PDE1C: variants seen among roughly 807,000 people sequenced by gnomAD.
The protein encoded by PDE1C is dual specificity calcium/calmodulin-dependent 3',5'-cyclic nucleotide phosphodiesterase 1C.
In PDE1C, 62 loss-of-function variants were observed where a neutral mutation model predicts 93.1. The observed-to-expected ratio is 0.67, with a 90% CI of 0.54 to 0.82. The LOEUF (loss-of-function observed/expected upper bound fraction) is 0.82. Ranked by LOEUF, PDE1C falls within the 40% of genes least tolerant of loss-of-function variation. The probability of loss-of-function intolerance (pLI) is 0.00; values close to 1 mark genes in which losing one functional copy is unlikely to be tolerated. For missense variants in PDE1C, 742 were observed against 884.6 expected (o/e 0.84, Z 2.04); for synonymous variants, 325 against 310.1 (o/e 1.05, Z -0.50).
intron 1 of PDE1C, among the ~76,000 whole-genome samples, chr7:32,360,872 G>A (rs994081617): frequency 1.3e-5 from 2 of 152,168 alleles, no homozygotes; most frequent in East Asian, 3.9e-4. Context: ...AACCCATGAG[G>A]TGACCTAATA....
chr7:32,192,675 G>A (rs902962561), intron 2 of PDE1C, among the ~76,000 whole-genome samples: 7 of 151,812 alleles, frequency 4.6e-5, no homozygotes, highest in Non-Finnish European at 1.0e-4. Context: ...TACTTCCTAC[G>A]ATTTTCTGTA....
At chr7:31,842,134 G>A (rs1212806423) in intron 9 of PDE1C, among the ~76,000 whole-genome samples, 1 of 152,050 alleles carries the variant, frequency 6.6e-6, no homozygotes, top group Non-Finnish European at 1.5e-5. Flanking sequence ...GCCCAGGCGA[G>A]TTGATACATA....
intron 3 of PDE1C, among the ~76,000 whole-genome samples, chr7:32,109,430 C>A (rs117028344): frequency 6.6e-6 from 1 of 152,078 alleles, no homozygotes; most frequent in Non-Finnish European, 1.5e-5. Flanking sequence ...CCATCTAATA[C>A]GTCTGAATCA....
upstream of PDE1C, among the ~76,000 whole-genome samples, chr7:32,073,981 T>C (rs376825236): frequency 2.0e-5 from 3 of 152,180 alleles, no homozygotes; most frequent in African/African-American, 7.2e-5. Flanking sequence ...CATCACTAAA[T>C]GCATATAGAC....
chr7:32,096,694 C>T (rs1327170728), intron 3 of PDE1C, among the ~76,000 whole-genome samples: 1 of 152,132 alleles, frequency 6.6e-6, no homozygotes, highest in Non-Finnish European at 1.5e-5. Context: ...ATGTCTTCTG[C>T]ACATAACCTA....
chr7:31,863,490 G>A (rs114037819), intron 7 of PDE1C, among the ~76,000 whole-genome samples: 1,691 of 152,074 alleles, frequency 0.011, 32 homozygotes, highest in African/African-American at 0.039. Context: ...ATGTATTCAC[G>A]GAACCATCAT....
chr7:32,080,264 G>A (rs1168680736), intron 3 of PDE1C, among the ~76,000 whole-genome samples: 1 of 152,110 alleles, frequency 6.6e-6, no homozygotes, highest in Non-Finnish European at 1.5e-5. Context: ...GATCCCAAAA[G>A]TCTTGTTCAC....
chr7:32,325,949 C>T (rs1428026453), intron 1 of PDE1C, among the ~76,000 whole-genome samples: 1 of 151,962 alleles, frequency 6.6e-6, no homozygotes, highest in Non-Finnish European at 1.5e-5. Context: ...ATGATGGTGG[C>T]TTGGATCAGG....
the PDE1C span, among the ~76,000 whole-genome samples, chr7:31,733,139 G>A: frequency 6.6e-6 from 1 of 152,196 alleles, no homozygotes; most frequent in Non-Finnish European, 1.5e-5. Context: ...GACTTATGGT[G>A]CCTAGGTTGT....
chr7:32,203,147 G>A (rs952132783), intron 2 of PDE1C, among the ~76,000 whole-genome samples: 5 of 151,426 alleles, frequency 3.3e-5, no homozygotes, highest in Admixed American at 6.6e-5. Context: ...ACATGCCCCC[G>A]AGAACACTGA....
intron 2 of PDE1C, among the ~76,000 whole-genome samples, chr7:31,971,806 T>C (rs1342137355): frequency 6.6e-6 from 1 of 152,222 alleles, no homozygotes; most frequent in Non-Finnish European, 1.5e-5. Flanking sequence ...TGACTGTCCC[T>C]CCGTGTCTCC....
chr7:32,348,256 A>G (rs1267024609), intron 1 of PDE1C, among the ~76,000 whole-genome samples: 1 of 152,100 alleles, frequency 6.6e-6, no homozygotes. Context: ...AGACTGGACC[A>G]ATACCTGGCA....
rs1797588983 is a variant in PDE1C at position 32,093,561 on chromosome 7, CT to C, written c.308+76223del. 3.3e-5 allele frequency among the ~76,000 whole-genome samples: 5 copies of C among 152,334 alleles called. 1 individual carries two copies. The highest frequency in any genetic ancestry group is 6.8e-3 in the Middle Eastern group (2 of 294). On this transcript the variant is annotated intron_variant, in intron 3 of 18. Transcript: ENST00000396193. ...AAATGTGGTGTTACTTCTCCGGAGC[CT>C]GGGTTGCACCATTTGCTGGCCCTGC...
intron 2 of PDE1C, among the ~76,000 whole-genome samples, chr7:32,198,181 G>A (rs1356144255): frequency 2.0e-5 from 3 of 152,156 alleles, no homozygotes; most frequent in Non-Finnish European, 2.9e-5. Context: ...GAGTTTGCCT[G>A]AAAGATGTCT....
chr7:32,311,932 G>C (rs576852627), intron 1 of PDE1C, among the ~76,000 whole-genome samples: 5 of 151,888 alleles, frequency 3.3e-5, no homozygotes, highest in Admixed American at 1.3e-4. Context: ...AGGAAATAAA[G>C]GGTATTCAAT....
intron 3 of PDE1C, among the ~76,000 whole-genome samples, chr7:32,112,826 GTGTGTGTGTGTGTGTGTGTGTATA>G (rs55790708): frequency 0.23 from 26,501 of 116,880 alleles, 3,018 homozygotes; most frequent in Middle Eastern, 0.33. Context: ...GTGTGTGTGT[GTGTGTGTGTGTGTGTGTGTGTATA>G]TATATATATA....
intron 1 of PDE1C, among the ~76,000 whole-genome samples, chr7:32,377,950 C>A: frequency 6.6e-6 from 1 of 152,132 alleles, no homozygotes; most frequent in East Asian, 1.9e-4. Context: ...CAAGAGTCCA[C>A]AAAGAAAGAA....
At chr7:32,015,824 A>G (rs192257752) in intron 2 of PDE1C, among the ~76,000 whole-genome samples, 1 of 152,308 alleles carries the variant, frequency 6.6e-6, no homozygotes, top group Admixed American at 6.5e-5. Flanking sequence ...AATTCACACA[A>G]GAAAGATTAT....
At chr7:31,991,544 G>A (rs537683566) in intron 2 of PDE1C, among the ~76,000 whole-genome samples, 44 of 152,302 alleles carry the variant, frequency 2.9e-4, no homozygotes, top group Non-Finnish European at 5.6e-4. Flanking sequence ...AGCACTGTGA[G>A]GATGAAGTAA....
Sources: allele counts gnomAD v4.1 joint callset (sites outside exome capture counted in the v4.1 genomes callset), GRCh38; gene constraint gnomAD v4.1.1; transcripts MANE v1.5; gene names NCBI Gene and HGNC (gene_info 2026-07-23, HGNC 2026-07-21).